Variants in CACNB4 observed in about 807,000 individuals in gnomAD.
CACNB4 encodes calcium voltage-gated channel auxiliary subunit beta 4.
CACNB4 carries 32 observed loss-of-function variants against 71.2 expected under a neutral mutation model. That is an observed-to-expected ratio of 0.45 (90% CI 0.34 to 0.60). The LOEUF is 0.60. Among genes scored for constraint, CACNB4 ranks in the 20% least tolerant of loss-of-function variants. The pLI is 0.01. For synonymous variants in CACNB4, 231 were observed against 236.9 expected, an observed-to-expected ratio of 0.97 and a Z score of 0.23; for missense variants, 464 against 647.9, an observed-to-expected ratio of 0.72 and a Z score of 3.08.
At chr2:151,951,921 G>C (rs2099866993) in intron 2 of CACNB4, among the ~76,000 whole-genome samples, 1 of 152,166 alleles carries the variant, frequency 6.6e-6, no homozygotes, top group African/African-American at 2.4e-5. Flanking sequence ...TGTAGGGCTT[G>C]GAAAGTAGCA....
rs201103872 is a variant in CACNB4, at chr2:151,978,222, G to A, written c.148-94852C>T. Among the ~76,000 whole-genome samples, 28 of 152,328 alleles carry A rather than the reference G, an allele frequency of 1.8e-4. 1 individual carries two copies. The East Asian group carries it at 5.4e-3, about 29-fold the overall frequency. On this transcript the variant is annotated intron_variant, in intron 2 of 13. Transcript: ENST00000539935. ...TACCAACTAGGCAGGCATGTCCAGA[G>A]TCTCTCCAGGCCCCATGAAGACCAT... is the stretch of plus-strand genomic sequence containing the variant.
At chr2:151,968,241 A>AT (rs11464762) in intron 2 of CACNB4, 72,133 of 151,922 alleles carry the variant, frequency 0.47, 20,276 homozygotes, top group Non-Finnish European at 0.64. Flanking sequence ...CAATGAATGT[A>AT]TTTTTTCTAG....
intron 2 of CACNB4, among the ~76,000 whole-genome samples, chr2:152,004,532 T>TACACAC (rs5835400): frequency 2.0e-5 from 3 of 149,312 alleles, no homozygotes; most frequent in African/African-American, 7.4e-5. Context: ...TTTACATACA[T>TACACAC]ACACACACAC....
chr2:151,846,181 C>G (rs2099837521), intron 12 of CACNB4, among the ~76,000 whole-genome samples: 1 of 152,192 alleles, frequency 6.6e-6, no homozygotes, highest in Non-Finnish European at 1.5e-5. Context: ...TGCTGGGGAT[C>G]TCAGTGTTTC....
At chr2:151,874,984 G>C in intron 5 of CACNB4, 1 of 399,094 alleles carries the variant, frequency 2.5e-6, no homozygotes, top group East Asian at 3.6e-5. Context: ...GGGTGGAGAA[G>C]GTACTATCAG....
Position 151,848,083 on chromosome 2 carries a change from T to C in CACNB4, c.1116+5365A>G, listed in dbSNP as rs546113520. On this transcript the variant is annotated intron_variant, in intron 12 of 13. Coordinates refer to ENST00000539935, the MANE Select transcript of CACNB4 (RefSeq NM_000726.5). ...CTCCCCACGCCCCTCCATCTGTCCATTCGTATTCTTCAAAGATAATACCAT... is the reference window on the plus strand; with the variant it reads ...CTCCCCACGCCCCTCCATCTGTCCACTCGTATTCTTCAAAGATAATACCAT... Among the ~76,000 whole-genome samples the C allele has an allele frequency of 3.5e-3, 529 of 152,316 alleles. 5 individuals carry two copies. The highest frequency in any genetic ancestry group is 5.3e-3 in the Non-Finnish European group (358 of 68,030).
rs58504924 is a variant in CACNB4 at position 151,895,096 on chromosome 2, CCACACACA to C, written c.148-11734_148-11727del. The stretch of plus-strand genomic sequence containing the variant: ...ATATGGAACCAGAACTCAAATAGCC[CCACACACA>C]CACACACACACACACACACACACAC... On this transcript the variant is annotated intron_variant, in intron 2 of 13. Coordinates refer to ENST00000539935, the MANE Select transcript of CACNB4 (RefSeq NM_000726.5). 9.3e-3 allele frequency among the ~76,000 whole-genome samples: 207 copies of C among 22,334 alleles called. 4 individuals carry two copies. The highest frequency in any genetic ancestry group is 0.022 in the Middle Eastern group (1 of 46). The allele number at this position is 22,334 out of a possible 152,430, so 14.7% of individuals were successfully genotyped here.
chr2:151,876,734 G>GACT (rs1553757330), intron 4 of CACNB4, among the ~76,000 whole-genome samples, 178 bp from the exon 5 acceptor site: 1 of 67,756 alleles, frequency 1.5e-5, no homozygotes, highest in African/African-American at 4.7e-5. Context: ...CTATACTATA[G>GACT]ACTATATTTT....
At chr2:151,957,762 T>A (rs1305076504) in intron 2 of CACNB4, among the ~76,000 whole-genome samples, 1 of 152,224 alleles carries the variant, frequency 6.6e-6, no homozygotes, top group Non-Finnish European at 1.5e-5. Context: ...CTGTATCTAT[T>A]TAACGTTAAC....
intron 2 of CACNB4, among the ~76,000 whole-genome samples, chr2:152,027,105 G>A (rs900876512): frequency 9.2e-5 from 14 of 151,970 alleles, no homozygotes; most frequent in African/African-American, 2.9e-4. Flanking sequence ...CAGGGTCCAC[G>A]TTGGCCAGGC....
intron 2 of CACNB4, among the ~76,000 whole-genome samples, chr2:152,056,483 G>A (rs767730972): frequency 6.6e-6 from 1 of 152,080 alleles, no homozygotes; most frequent in East Asian, 1.9e-4. Flanking sequence ...CTTTCTCCAG[G>A]TTTACTAAAA....
chr2:151,855,764 G>A lies in CACNB4; in HGVS notation c.869-389C>T, dbSNP rs112079355. Among the ~76,000 whole-genome samples the A allele has an allele frequency of 2.5e-3, 388 of 152,192 alleles. 2 individuals are homozygous for A. The highest frequency in any genetic ancestry group is 4.7e-3 in the Non-Finnish European group (320 of 68,010). ...ATATATGTGCAAAGCAACATCACAT[G>A]GAAAGCAAATTACACTGAAATATTT... On this transcript the variant is annotated intron_variant, in intron 10 of 13. Coordinates refer to ENST00000539935, the MANE Select transcript of CACNB4 (RefSeq NM_000726.5).
At chr2:152,024,179 C>T (rs905167966) in intron 2 of CACNB4, among the ~76,000 whole-genome samples, 1 of 152,094 alleles carries the variant, frequency 6.6e-6, no homozygotes, top group East Asian at 1.9e-4. Flanking sequence ...AAAAATTAGC[C>T]AGGTATGGTG....
At chr2:151,887,854 GCA>G (rs2099849759) in intron 2 of CACNB4, among the ~76,000 whole-genome samples, 1 of 152,116 alleles carries the variant, frequency 6.6e-6, no homozygotes, top group Non-Finnish European at 1.5e-5. Context: ...GAAAATACCA[GCA>G]ATTAAACTTT....
At chr2:151,909,609 G>A (rs6433714) in intron 2 of CACNB4, among the ~76,000 whole-genome samples, 128,869 of 151,646 alleles carry the variant, frequency 0.85, 55,941 homozygotes, top group Non-Finnish European at 0.94. Context: ...TGTTGTTCCC[G>A]TTCCCCCTTC....
intron 2 of CACNB4, among the ~76,000 whole-genome samples, chr2:151,927,565 A>T (rs1320857101): frequency 6.6e-6 from 1 of 152,220 alleles, no homozygotes; most frequent in Non-Finnish European, 1.5e-5. Flanking sequence ...AGGTATGAAC[A>T]AATTGGTTGT....
chr2:151,888,860 T>C (rs2099850035), intron 2 of CACNB4, among the ~76,000 whole-genome samples: 1 of 152,338 alleles, frequency 6.6e-6, no homozygotes, highest in African/African-American at 2.4e-5. Context: ...AGAGTAATGC[T>C]GATACTACTA....
intron 2 of CACNB4, among the ~76,000 whole-genome samples, chr2:152,041,765 C>T (rs1469859023): frequency 6.6e-6 from 1 of 152,156 alleles, no homozygotes; most frequent in Non-Finnish European, 1.5e-5. Flanking sequence ...CCAAAACCAT[C>T]AAAAAGGGAG....
intron 2 of CACNB4, among the ~76,000 whole-genome samples, chr2:152,004,560 C>T (rs945830860): frequency 6.6e-6 from 1 of 152,004 alleles, no homozygotes; most frequent in African/African-American, 2.4e-5. Context: ...CACACACACA[C>T]ACACACACAT....
Sources: gnomAD v4.1 joint callset for allele counts (sites outside exome capture counted in the v4.1 genomes callset) on GRCh38, gnomAD v4.1.1 for gene constraint, MANE v1.5 for transcripts, NCBI Gene and HGNC (gene_info 2026-07-23, HGNC 2026-07-21) for gene names.